Variants in NTRK3 observed in about 807,000 individuals in gnomAD.
The protein encoded by NTRK3 is neurotrophic receptor tyrosine kinase 3, also known as NT-3 growth factor receptor.
Under a neutral mutation model 91.7 loss-of-function variants are expected in NTRK3, and 24 were observed. The ratio of observed to expected loss-of-function variants is 0.26; its 90% CI spans 0.19 to 0.37. The LOEUF is 0.37. Among genes scored for constraint, NTRK3 ranks in the 10% least tolerant of loss-of-function variants. The probability of loss-of-function intolerance (pLI) is 1.00; values close to 1 mark genes in which losing one functional copy is unlikely to be tolerated. For synonymous variants in NTRK3, 483 were observed against 404.0 expected, an observed-to-expected ratio of 1.20 and a Z score of -2.34; for missense variants, 880 against 1,068.9, an observed-to-expected ratio of 0.82 and a Z score of 2.46.
chr15:88,084,690 A>G (rs1233521212), intron 13 of NTRK3, among the ~76,000 whole-genome samples: 1 of 152,194 alleles, frequency 6.6e-6, no homozygotes, highest in Non-Finnish European at 1.5e-5. Flanking sequence ...TGCACTGCAC[A>G]AAGACGTCCC....
intron 17 of NTRK3, among the ~76,000 whole-genome samples, chr15:87,893,973 G>A (rs1349106578): frequency 6.6e-6 from 1 of 152,142 alleles, no homozygotes; most frequent in Non-Finnish European, 1.5e-5. Context: ...GTAAAACCTT[G>A]GCAACATATG....
Position 88,233,969 on chromosome 15 carries a change from T to C in NTRK3, c.248+21937A>G, listed in dbSNP as rs1164838829. Among the ~76,000 whole-genome samples the C allele has an allele frequency of 1.3e-5, 2 of 152,206 alleles. No homozygotes were observed. The highest frequency in any genetic ancestry group is 2.9e-5 in the Non-Finnish European group (2 of 68,048). On this transcript the variant is annotated intron_variant, in intron 3 of 18. Transcript: ENST00000394480. This position sits in a 1 kb window ranked among gnomAD's most constrained non-coding sequence, Gnocchi z 4.2. Reference sequence around the variant, plus strand: ...CTCTTTAATATTTAAACATGTTAATTAAATCTCCGAATAAACAAATATATT... The same window carrying C: ...CTCTTTAATATTTAAACATGTTAATCAAATCTCCGAATAAACAAATATATT...
chr15:88,203,157 C>T (rs958071212), intron 3 of NTRK3, among the ~76,000 whole-genome samples: 1 of 152,174 alleles, frequency 6.6e-6, no homozygotes. Flanking sequence ...TGATTGCTAG[C>T]TCGGTACACA....
chr15:88,134,993 A>G (rs936600264), intron 10 of NTRK3, 108 bp downstream of exon 10: 5 of 1,321,100 alleles, frequency 3.8e-6, no homozygotes, highest in African/African-American at 2.9e-5. Flanking sequence ...GTTGCCCATG[A>G]TAACAGTATG....
At chr15:88,091,889 C>T (rs1846892181) in intron 13 of NTRK3, among the ~76,000 whole-genome samples, 1 of 152,212 alleles carries the variant, frequency 6.6e-6, no homozygotes, top group African/African-American at 2.4e-5. Flanking sequence ...TTCTGCCCTA[C>T]TCAAGAACAC....
At chr15:87,921,617 G>A (rs1181454120) in intron 17 of NTRK3, among the ~76,000 whole-genome samples, 7 of 152,076 alleles carry the variant, frequency 4.6e-5, no homozygotes, top group Admixed American at 3.9e-4. Flanking sequence ...CCAACTACAG[G>A]GACACCTTAT....
In NTRK3 at chr15:88,237,014, A is replaced by G. The variant is rs76533847; in HGVS notation, c.248+18892T>C. On this transcript the variant is annotated intron_variant, in intron 3 of 18. Coordinates refer to ENST00000394480, the Ensembl canonical transcript of NTRK3. The surrounding 1 kb of genome is among the most constrained non-coding windows in gnomAD (Gnocchi z 4.0). ...GAGTAACGCATTTCATTAAATATAA[A>G]TATTAGCTCAAAAAGTGAAAAAGAA... 8.0e-3 allele frequency among the ~76,000 whole-genome samples: 1,224 copies of G among 152,248 alleles called. 16 individuals are homozygous for G. The highest frequency in any genetic ancestry group is 0.028 in the African/African-American group (1,164 of 41,550).
intron 14 of NTRK3, among the ~76,000 whole-genome samples, chr15:88,012,713 C>G (rs998182209): frequency 3.9e-5 from 6 of 152,150 alleles, no homozygotes; most frequent in African/African-American, 1.4e-4. Flanking sequence ...TATATTGAAG[C>G]ACTTCTCAGC....
At chr15:88,145,898 C>G (rs2042847201) in intron 6 of NTRK3, among the ~76,000 whole-genome samples, 1 of 152,116 alleles carries the variant, frequency 6.6e-6, no homozygotes, top group Non-Finnish European at 1.5e-5. Context: ...TGGAAACAGA[C>G]TGAAAACACT....
intron 5 of NTRK3, among the ~76,000 whole-genome samples, chr15:88,149,685 A>T (rs1427930678): frequency 6.6e-6 from 1 of 152,246 alleles, no homozygotes; most frequent in Non-Finnish European, 1.5e-5. Context: ...CCCATGCAGC[A>T]GCCCAGCTCC....
intron 13 of NTRK3, among the ~76,000 whole-genome samples, chr15:88,048,612 G>A (rs952309481): frequency 6.6e-6 from 1 of 152,172 alleles, no homozygotes; most frequent in East Asian, 1.9e-4. Context: ...CACAATAGTA[G>A]GATTTTGCTC....
intron 5 of NTRK3, among the ~76,000 whole-genome samples, chr15:88,150,912 T>C (rs1161297300): frequency 6.6e-6 from 1 of 152,104 alleles, no homozygotes; most frequent in Admixed American, 6.5e-5. Flanking sequence ...TCGGAACTCA[T>C]TGCCCCTGAT....
At chr15:87,867,211 G>A (rs2064706645) in exon 19 of NTRK3, 1 of 226,154 alleles carries the variant, frequency 4.4e-6, no homozygotes. Flanking sequence ...CTGATGGCTG[G>A]GAGAACGCAC....
At chr15:87,910,084 T>C (rs552909597) in intron 17 of NTRK3, among the ~76,000 whole-genome samples, 1 of 152,224 alleles carries the variant, frequency 6.6e-6, no homozygotes, top group South Asian at 2.1e-4. Context: ...CCAAGGGGGC[T>C]TCTTGTGGAA....
chr15:87,945,906 G>A (rs975090626), intron 14 of NTRK3, among the ~76,000 whole-genome samples: 9 of 151,176 alleles, frequency 6.0e-5, no homozygotes, highest in African/African-American at 2.2e-4. Context: ...TTCCTTATCT[G>A]TAGAATGGGA....
chr15:87,917,957 TG>T (rs1386409415), intron 17 of NTRK3, among the ~76,000 whole-genome samples: 1 of 152,084 alleles, frequency 6.6e-6, no homozygotes, highest in Non-Finnish European at 1.5e-5. Context: ...TCAAAATGGA[TG>T]AAGACACATC....
At chr15:88,139,058 T>C (rs1322373830) in intron 6 of NTRK3, among the ~76,000 whole-genome samples, 1 of 152,202 alleles carries the variant, frequency 6.6e-6, no homozygotes, top group Non-Finnish European at 1.5e-5. Context: ...TGCTCCATAA[T>C]TGGCCATGGG....
At chr15:88,032,819 C>T (rs1267617947) in intron 14 of NTRK3, 38 bp downstream of exon 14, 1 of 1,611,022 alleles carries the variant, frequency 6.2e-7, no homozygotes, top group South Asian at 1.1e-5. Flanking sequence ...ACCACCCTCC[C>T]CTCCCCAGGA....
chr15:88,090,657 T>G (rs2150751704), intron 13 of NTRK3, among the ~76,000 whole-genome samples: 1 of 152,262 alleles, frequency 6.6e-6, no homozygotes, highest in East Asian at 1.9e-4. Context: ...AAGTTCACAA[T>G]GCCAACCTGC....
Sources: allele counts gnomAD v4.1 joint callset (sites outside exome capture counted in the v4.1 genomes callset), GRCh38; gene constraint gnomAD v4.1.1; non-coding constraint Gnocchi (gnomAD v3.1); transcripts MANE v1.5; gene names NCBI Gene and HGNC (gene_info 2026-07-23, HGNC 2026-07-21).